Variants in CHIC1 observed in about 807,000 individuals in gnomAD.
The protein encoded by CHIC1 is cysteine rich hydrophobic domain 1, also known as cysteine-rich hydrophobic domain-containing protein 1.
Under a neutral mutation model 18.5 loss-of-function variants are expected in CHIC1, and 7 were observed. The ratio of observed to expected loss-of-function variants is 0.38; its 90% CI spans 0.22 to 0.71. The LOEUF is 0.71. Ranked by LOEUF, CHIC1 falls within the 30% of genes least tolerant of loss-of-function variation. The pLI is 0.49. For missense variants in CHIC1, 159 were observed against 176.9 expected (o/e 0.90, Z 0.57); for synonymous variants, 77 against 73.5 (o/e 1.05, Z -0.25).
chrX:73,674,001 GA>G (rs2058047447), intron 3 of CHIC1, among the ~76,000 whole-genome samples: 1 of 111,937 alleles, frequency 8.9e-6, no homozygotes, highest in African/African-American at 3.2e-5. Flanking sequence ...CATCTATTGC[GA>G]TAATCATGTA....
chrX:73,630,212 TTC>T (rs2057801027), intron 3 of CHIC1, among the ~76,000 whole-genome samples: 1 of 111,811 alleles, frequency 8.9e-6, no homozygotes, highest in African/African-American at 3.2e-5. Context: ...AAAATTTTAC[TTC>T]TTTTAGATTT....
intron 1 of CHIC1, among the ~76,000 whole-genome samples, chrX:73,573,839 T>C (rs1048374756): frequency 9.0e-6 from 1 of 111,325 alleles, no homozygotes; most frequent in Admixed American, 9.5e-5. Context: ...GGCAAGTCTT[T>C]AGGGTTTTCT....
At chrX:73,634,259 C>A (rs1166430596) in intron 3 of CHIC1, among the ~76,000 whole-genome samples, 2 of 112,072 alleles carry the variant, frequency 1.8e-5, no homozygotes, top group East Asian at 5.6e-4. Flanking sequence ...ATGTGCCCAC[C>A]TGCTTCACTT....
chrX:73,568,046 T>G (rs2057453492), intron 1 of CHIC1, among the ~76,000 whole-genome samples: 1 of 111,744 alleles, frequency 8.9e-6, no homozygotes, highest in South Asian at 3.7e-4. Context: ...TTGGTTCACT[T>G]TAGTAACACT....
intron 3 of CHIC1, among the ~76,000 whole-genome samples, chrX:73,669,478 G>A (rs1320459405): frequency 9.0e-6 from 1 of 110,966 alleles, no homozygotes; most frequent in African/African-American, 3.3e-5. Context: ...CAACCCAGGT[G>A]GTGACCCTCC....
At chrX:73,679,280 A>C (rs1316051101) in intron 3 of CHIC1, 46 bp from the exon 4 acceptor site, 2 of 844,586 alleles carry the variant, frequency 2.4e-6, no homozygotes, top group East Asian at 6.3e-5. Context: ...TAGTTTACAA[A>C]GCTCTTCAGG....
chrX:73,641,916 CATT>C (rs912398034), intron 3 of CHIC1, among the ~76,000 whole-genome samples: 7 of 111,763 alleles, frequency 6.3e-5, no homozygotes, highest in Non-Finnish European at 1.3e-4. Context: ...TCCAGTCTAT[CATT>C]GTTGGACATT....
In CHIC1 at chrX:73,621,639, A is replaced by G. The variant is rs142964053; in HGVS notation, c.507+37067A>G. On this transcript the variant is annotated intron_variant, in intron 3 of 5. Coordinates refer to ENST00000373502, the MANE Select transcript of CHIC1 (RefSeq NM_001039840.4). ...CTAAATATACAATCATGTCATCTGC[A>G]AACAGAGGCAATTTGACTTCCTCTC... 7.9e-3 allele frequency among the ~76,000 whole-genome samples: 887 copies of G among 112,066 alleles called. 17 individuals are homozygous for G. Among genetic ancestry groups the G allele is most frequent in the African/African-American group, 0.027 (845 of 30,852 alleles).
chrX:73,566,504 A>T (rs1488262194), intron 1 of CHIC1, among the ~76,000 whole-genome samples: 1 of 109,963 alleles, frequency 9.1e-6, no homozygotes, highest in African/African-American at 3.3e-5. Context: ...TCTCTCCAGT[A>T]TTACCTCTCT....
intron 3 of CHIC1, among the ~76,000 whole-genome samples, chrX:73,615,955 G>T (rs968856753): frequency 9.0e-6 from 1 of 111,258 alleles, no homozygotes; most frequent in African/African-American, 3.3e-5. Flanking sequence ...GCTGCTGAGG[G>T]CAGTGGGGTT....
chrX:73,672,925 C>T (rs1030734520), intron 3 of CHIC1, among the ~76,000 whole-genome samples: 5 of 111,885 alleles, frequency 4.5e-5, no homozygotes, highest in Non-Finnish European at 7.5e-5. Flanking sequence ...TTTAATCCAT[C>T]TTGAATTAAT....
chrX:73,671,360 T>C (rs1347528075), intron 3 of CHIC1, among the ~76,000 whole-genome samples: 1 of 112,334 alleles, frequency 8.9e-6, no homozygotes, highest in East Asian at 2.8e-4. Flanking sequence ...AGTTTTCAGT[T>C]ATTATTTCAT....
chrX:73,612,616 C>T (rs1340133531), intron 3 of CHIC1, among the ~76,000 whole-genome samples: 1 of 111,619 alleles, frequency 9.0e-6, no homozygotes, highest in Non-Finnish European at 1.9e-5. Context: ...TGCAGAGTTT[C>T]CTACATTCCT....
At chrX:73,567,802 T>G (rs2057451963) in intron 1 of CHIC1, among the ~76,000 whole-genome samples, 1 of 103,416 alleles carries the variant, frequency 9.7e-6, no homozygotes, top group African/African-American at 3.6e-5. Flanking sequence ...CAGCATGCTG[T>G]TTTTTTTTTT....
At chrX:73,658,450 T>C (rs1330107712) in intron 3 of CHIC1, among the ~76,000 whole-genome samples, 1 of 107,964 alleles carries the variant, frequency 9.3e-6, no homozygotes, top group Non-Finnish European at 1.9e-5. Context: ...TATTCTCTGA[T>C]GGTTTGTTGT....
At chrX:73,674,285 T>C (rs1470396268) in intron 3 of CHIC1, among the ~76,000 whole-genome samples, 1 of 112,167 alleles carries the variant, frequency 8.9e-6, no homozygotes, top group Non-Finnish European at 1.9e-5. Context: ...TTTCTATTGA[T>C]TGGAATAGTT....
At chrX:73,612,944 A>G (rs1278546507) in intron 3 of CHIC1, among the ~76,000 whole-genome samples, 3 of 111,624 alleles carry the variant, frequency 2.7e-5, no homozygotes, top group Non-Finnish European at 5.7e-5. Context: ...ATTGGAGTTT[A>G]TTTCTTCCTT....
chrX:73,654,344 T>C (rs956486192), intron 3 of CHIC1, among the ~76,000 whole-genome samples: 5 of 112,398 alleles, frequency 4.4e-5, no homozygotes, highest in Non-Finnish European at 7.5e-5. Context: ...CATTTACTGA[T>C]TGTGTATGTT....
At chrX:73,603,351 G>A (rs780699374) in intron 3 of CHIC1, among the ~76,000 whole-genome samples, 5 of 108,434 alleles carry the variant, frequency 4.6e-5, no homozygotes, top group East Asian at 2.8e-4. Context: ...CATTGATTTC[G>A]TATCCTGAGA....
Sources: gnomAD v4.1 joint callset for allele counts (sites outside exome capture counted in the v4.1 genomes callset) on GRCh38, gnomAD v4.1.1 for gene constraint, MANE v1.5 for transcripts, NCBI Gene and HGNC (gene_info 2026-07-23, HGNC 2026-07-21) for gene names.